Variants in DACH2 observed in about 807,000 individuals in gnomAD.
DACH2 encodes dachshund family transcription factor 2.
In DACH2, 17 loss-of-function variants were observed where a neutral mutation model predicts 35.8. The ratio of observed to expected loss-of-function variants is 0.48; its 90% CI spans 0.33 to 0.71. DACH2 has a LOEUF of 0.71. Among genes scored for constraint, DACH2 ranks in the 30% least tolerant of loss-of-function variants. The pLI, the probability that DACH2 is intolerant of heterozygous loss-of-function variation, is 0.02. For synonymous variants in DACH2, 195 were observed against 177.3 expected (o/e 1.10, Z -0.79); for missense variants, 469 against 472.7 (o/e 0.99, Z 0.07).
rs757260565 is a variant in DACH2, at chrX:86,612,612, A to G, written c.641-38424A>G. Among the ~76,000 whole-genome samples the G allele has an allele frequency of 1.1e-4, 12 of 111,992 alleles. No homozygotes were observed. The East Asian group carries it at 3.4e-3, about 32-fold the overall frequency. On this transcript the variant is annotated intron_variant, in intron 3 of 11. Coordinates refer to ENST00000373125, the MANE Select transcript of DACH2 (RefSeq NM_053281.3). ...GTTGGCAGCACTAAACTCCCATAAT[A>G]GCTATGCTTTCCCTCCTGCCAGCAC...
intron 2 of DACH2, among the ~76,000 whole-genome samples, chrX:86,431,308 T>C (rs1370893035): frequency 8.9e-6 from 1 of 111,818 alleles, no homozygotes; most frequent in African/African-American, 3.2e-5. Flanking sequence ...TATTTAAGGT[T>C]GAAGTAATAG....
chrX:86,444,104 T>A (rs2037218049), intron 2 of DACH2, among the ~76,000 whole-genome samples: 1 of 111,433 alleles, frequency 9.0e-6, no homozygotes, highest in South Asian at 3.7e-4. Flanking sequence ...ATTTTATTTT[T>A]TATTAAGATA....
chrX:86,743,305 T>C (rs575236101), intron 7 of DACH2, among the ~76,000 whole-genome samples: 1 of 111,402 alleles, frequency 9.0e-6, no homozygotes, highest in East Asian at 2.8e-4. Context: ...AGGAGAGCTG[T>C]TCAAGGAAGA....
intron 6 of DACH2, among the ~76,000 whole-genome samples, chrX:86,730,220 G>C (rs977310828): frequency 9.0e-6 from 1 of 111,030 alleles, no homozygotes; most frequent in African/African-American, 3.3e-5. Context: ...TATATGATGC[G>C]TAGAATATAT....
chrX:86,520,803 G>C (rs1426092318), intron 3 of DACH2, among the ~76,000 whole-genome samples: 1 of 111,523 alleles, frequency 9.0e-6, no homozygotes, highest in Non-Finnish European at 1.9e-5. Context: ...CATTAATTGT[G>C]AGATGGGTCT....
At chrX:86,333,734 ATTAAAC>A (rs1459644443) in intron 1 of DACH2, among the ~76,000 whole-genome samples, 2 of 111,940 alleles carry the variant, frequency 1.8e-5, no homozygotes, top group East Asian at 5.6e-4. Context: ...TTATTTTACA[ATTAAAC>A]TTGAATGATT....
chrX:86,565,946 T>G (rs1173557815), intron 3 of DACH2, among the ~76,000 whole-genome samples: 1 of 111,944 alleles, frequency 8.9e-6, no homozygotes, highest in East Asian at 2.8e-4. Flanking sequence ...TAAAAAACAT[T>G]TAGACTATGT....
At chrX:86,656,197 T>C (rs1361684697) in intron 4 of DACH2, among the ~76,000 whole-genome samples, 1 of 111,323 alleles carries the variant, frequency 9.0e-6, no homozygotes, top group Non-Finnish European at 1.9e-5. Context: ...TGGGTAAGAA[T>C]TGAGGACATG....
At chrX:86,752,718 A>G (rs1282348597) in intron 7 of DACH2, among the ~76,000 whole-genome samples, 1 of 111,678 alleles carries the variant, frequency 9.0e-6, no homozygotes, top group Non-Finnish European at 1.9e-5. Flanking sequence ...TCCTGCTAGT[A>G]TGATGGGTGA....
intron 2 of DACH2, among the ~76,000 whole-genome samples, chrX:86,411,841 A>G (rs2036619810): frequency 9.0e-6 from 1 of 111,261 alleles, no homozygotes; most frequent in African/African-American, 3.3e-5. Context: ...AGCCTTCAGC[A>G]AGCACCTCAG....
At chrX:86,762,604 G>C (rs182084147) in intron 7 of DACH2, among the ~76,000 whole-genome samples, 1 of 111,730 alleles carries the variant, frequency 9.0e-6, no homozygotes, top group African/African-American at 3.2e-5. Context: ...TGCTAATTCA[G>C]AGTAACAAAG....
chrX:86,680,126 G>A (rs1265636946), intron 4 of DACH2, among the ~76,000 whole-genome samples: 1 of 111,764 alleles, frequency 8.9e-6, no homozygotes, highest in Non-Finnish European at 1.9e-5. Flanking sequence ...ATCTCAAATT[G>A]TACTGTTGTT....
chrX:86,712,246 G>T lies in DACH2; in HGVS notation c.932-2302G>T, dbSNP rs370423615. ...TCAGGAGAAAGATAAACAGTGATTA[G>T]TTTAATATATATTATAAAATATCAT... On this transcript the variant is annotated intron_variant, in intron 5 of 11. Transcript: ENST00000373125. Among the ~76,000 whole-genome samples, 17 of 111,396 alleles carry T rather than the reference G, an allele frequency of 1.5e-4. No homozygotes were observed. In the East Asian group the frequency reaches 3.6e-3, roughly 24 times the overall value.
chrX:86,681,014 A>T (rs1413038889), intron 4 of DACH2, among the ~76,000 whole-genome samples: 1 of 110,809 alleles, frequency 9.0e-6, no homozygotes, highest in Non-Finnish European at 1.9e-5. Flanking sequence ...GCATCTATGT[A>T]TCTATATATG....
intron 1 of DACH2, among the ~76,000 whole-genome samples, chrX:86,154,528 A>G (rs947860005): frequency 6.3e-5 from 7 of 111,364 alleles, no homozygotes; most frequent in African/African-American, 2.0e-4. Context: ...ATTTAAACAC[A>G]TTTGCTTTGG....
intron 6 of DACH2, among the ~76,000 whole-genome samples, chrX:86,734,823 T>C (rs1354395303): frequency 9.0e-6 from 1 of 111,724 alleles, no homozygotes; most frequent in Non-Finnish European, 1.9e-5. Flanking sequence ...TTAAAGTCTT[T>C]CAAGTTACAG....
At chrX:86,830,755 A>C (rs1316041695) in intron 11 of DACH2, 1 of 111,472 alleles carries the variant, frequency 9.0e-6, no homozygotes, top group African/African-American at 3.3e-5. Flanking sequence ...ATATTGTATA[A>C]ATTTCAATCC....
chrX:86,557,566 A>G (rs1395752874), intron 3 of DACH2, among the ~76,000 whole-genome samples: 3 of 75,972 alleles, frequency 3.9e-5, no homozygotes, highest in Non-Finnish European at 7.7e-5. Flanking sequence ...GATTCTTCCT[A>G]CCCATGAGCA....
chrX:86,536,412 T>C (rs1291262957), intron 3 of DACH2, among the ~76,000 whole-genome samples: 1 of 112,004 alleles, frequency 8.9e-6, no homozygotes, highest in Admixed American at 9.5e-5. Context: ...CAAAGCTGTC[T>C]CTTATGGGGG....
Sources: allele counts gnomAD v4.1 joint callset (sites outside exome capture counted in the v4.1 genomes callset), GRCh38; gene constraint gnomAD v4.1.1; transcripts MANE v1.5; gene names NCBI Gene and HGNC (gene_info 2026-07-23, HGNC 2026-07-21).